Variants in KAZN observed in about 807,000 individuals in gnomAD.
The protein encoded by KAZN is kazrin.
KAZN carries 40 observed loss-of-function variants against 87.4 expected under a neutral mutation model. The observed-to-expected ratio is 0.46, with a 90% CI of 0.36 to 0.60. The LOEUF is 0.60. Ranked by LOEUF, KAZN falls within the 20% of genes least tolerant of loss-of-function variation. The probability of loss-of-function intolerance (pLI) is 0.00; values close to 1 mark genes in which losing one functional copy is unlikely to be tolerated. For synonymous variants in KAZN, 466 were observed against 458.3 expected, an observed-to-expected ratio of 1.02 and a Z score of -0.22; for missense variants, 898 against 1,073.9, an observed-to-expected ratio of 0.84 and a Z score of 2.29.
chr1:14,178,647 C>A (rs2100300781), intron 1 of KAZN, among the ~76,000 whole-genome samples: 1 of 152,304 alleles, frequency 6.6e-6, no homozygotes, highest in East Asian at 1.9e-4. Flanking sequence ...CTAATACTAT[C>A]ACTTCTGTTA....
intron 8 of KAZN, among the ~76,000 whole-genome samples, chr1:15,071,062 A>G (rs957295521): frequency 1.3e-5 from 2 of 152,178 alleles, no homozygotes; most frequent in African/African-American, 4.8e-5. Context: ...TATTCTTTAT[A>G]AAAGAGTATA....
At chr1:14,183,193 A>G (rs574360) in intron 2 of KAZN, among the ~76,000 whole-genome samples, 23,953 of 152,106 alleles carry the variant, frequency 0.16, 3,128 homozygotes, top group African/African-American at 0.35. Flanking sequence ...TCAAAGGCAA[A>G]AGCATTGCCG....
chr1:14,202,532 G>A (rs900202290), intron 2 of KAZN, among the ~76,000 whole-genome samples: 1 of 152,144 alleles, frequency 6.6e-6, no homozygotes. Context: ...GGGAGAACAA[G>A]TTCTGGATCC....
chr1:14,352,173 C>T (rs926106117), intron 2 of KAZN, among the ~76,000 whole-genome samples: 1 of 152,018 alleles, frequency 6.6e-6, no homozygotes, highest in Non-Finnish European at 1.5e-5. Context: ...TTGTAACAGC[C>T]TTTATCATGA....
At chr1:14,473,865 G>C (rs1018495297) in intron 2 of KAZN, among the ~76,000 whole-genome samples, 13 of 152,184 alleles carry the variant, frequency 8.5e-5, no homozygotes, top group Admixed American at 2.6e-4. Flanking sequence ...TATCTGGGAG[G>C]CTGACTCTTC....
intron 1 of KAZN, among the ~76,000 whole-genome samples, chr1:14,686,122 G>T (rs1468796386): frequency 6.6e-6 from 1 of 152,162 alleles, no homozygotes; most frequent in Non-Finnish European, 1.5e-5. Context: ...AGGCTGGAGT[G>T]CAGTGGCGTG....
At chr1:14,271,324 T>A (rs1046129796) in intron 2 of KAZN, among the ~76,000 whole-genome samples, 6 of 152,202 alleles carry the variant, frequency 3.9e-5, no homozygotes, top group Admixed American at 6.5e-5. Flanking sequence ...TGGTAGCAGG[T>A]AAGGGGAGGA....
At chr1:14,874,465 G>T (rs1473435074) in intron 1 of KAZN, among the ~76,000 whole-genome samples, 3 of 143,704 alleles carry the variant, frequency 2.1e-5, no homozygotes, top group African/African-American at 7.8e-5. Context: ...TAGCTAGCTG[G>T]CTGACTGGAT....
intron 2 of KAZN, among the ~76,000 whole-genome samples, chr1:14,476,313 G>A (rs1438407367): frequency 1.3e-5 from 2 of 152,172 alleles, no homozygotes; most frequent in Non-Finnish European, 2.9e-5. Context: ...GTCTCAAATA[G>A]TTTTGCAATT....
intron 1 of KAZN, among the ~76,000 whole-genome samples, chr1:14,760,983 T>A (rs958057939): frequency 6.6e-6 from 1 of 152,202 alleles, no homozygotes; most frequent in African/African-American, 2.4e-5. Context: ...CCAATAAAAC[T>A]TTATTCATAA....
At chr1:15,049,101 C>G (rs1006431155) in intron 4 of KAZN, among the ~76,000 whole-genome samples, 1 of 152,020 alleles carries the variant, frequency 6.6e-6, no homozygotes, top group African/African-American at 2.4e-5. Context: ...ACGGCTTTGC[C>G]GGGAGGCTTT....
intron 2 of KAZN, among the ~76,000 whole-genome samples, chr1:14,574,461 G>A (rs1262266186): frequency 6.6e-6 from 1 of 152,164 alleles, no homozygotes; most frequent in East Asian, 1.9e-4. Flanking sequence ...GACTGTGGTA[G>A]TGAATAAGTC....
chr1:15,112,607 C>T (rs1236483023), intron 14 of KAZN, 66 bp downstream of exon 14: 13 of 1,229,240 alleles, frequency 1.1e-5, no homozygotes, highest in South Asian at 6.6e-5. Context: ...TTTCTCCTCC[C>T]GGGAGCTCTG....
intron 1 of KAZN, among the ~76,000 whole-genome samples, chr1:14,601,646 T>C (rs545635256): frequency 6.6e-6 from 1 of 152,336 alleles, no homozygotes. Flanking sequence ...TGATTCTTCG[T>C]AATACACCTC....
intron 1 of KAZN, among the ~76,000 whole-genome samples, chr1:14,836,037 T>G (rs1045811719): frequency 1.3e-4 from 20 of 152,306 alleles, no homozygotes; most frequent in African/African-American, 4.6e-4. Context: ...GTGGGCCAGT[T>G]GGATGACAGC....
At chr1:14,660,209 G>A (rs548742114) in intron 1 of KAZN, among the ~76,000 whole-genome samples, 1 of 152,116 alleles carries the variant, frequency 6.6e-6, no homozygotes, top group South Asian at 2.1e-4. Flanking sequence ...CAGATGCCTC[G>A]ATCTCCCCAT....
chr1:14,007,867 T>C (rs1640104100), intron 1 of KAZN, among the ~76,000 whole-genome samples: 1 of 152,172 alleles, frequency 6.6e-6, no homozygotes, highest in Non-Finnish European at 1.5e-5. Context: ...GAAAGGAGTG[T>C]TGGAACAGGA....
In KAZN at chr1:14,321,226, G is replaced by A. The variant is rs114160316; in HGVS notation, c.249+140634G>A. Among the ~76,000 whole-genome samples, 1,233 of 152,196 alleles carry A rather than the reference G, an allele frequency of 8.1e-3. 11 individuals are homozygous for A. Among genetic ancestry groups the A allele is most frequent in the South Asian group, 0.02 (96 of 4,822 alleles). ...GAAGAAGATTTATTGATCGAGATGT[G>A]GGCAAACAGTCAAAGGAAATGCTGA... On this transcript the variant is annotated intron_variant, in intron 2 of 16. Coordinates refer to the KAZN transcript ENST00000636203.
At chr1:14,733,528 C>A (rs1464117603) in intron 1 of KAZN, among the ~76,000 whole-genome samples, 1 of 152,216 alleles carries the variant, frequency 6.6e-6, no homozygotes, top group African/African-American at 2.4e-5. Flanking sequence ...CCTTCAGAGT[C>A]GGGCAGAGAT....
Sources: allele counts gnomAD v4.1 joint callset (sites outside exome capture counted in the v4.1 genomes callset), GRCh38; gene constraint gnomAD v4.1.1; transcripts MANE v1.5; gene names NCBI Gene and HGNC (gene_info 2026-07-23, HGNC 2026-07-21).